Variants in ALG8 observed in about 807,000 individuals in gnomAD.
ALG8 encodes the protein ALG8 alpha-1,3-glucosyltransferase.
Under a neutral mutation model 70.2 loss-of-function variants are expected in ALG8, and 48 were observed. That is an observed-to-expected ratio of 0.68 (90% confidence interval 0.54 to 0.87). ALG8 has a LOEUF of 0.87. Ranked by LOEUF, ALG8 falls within the 40% of genes least tolerant of loss-of-function variation. ALG8 has a pLI of 0.00. For missense variants in ALG8, 572 were observed against 608.7 expected, an observed-to-expected ratio of 0.94 and a Z score of 0.64; for synonymous variants, 234 against 229.0, an observed-to-expected ratio of 1.02 and a Z score of -0.20.
chr11:78,109,191 C>T (rs751118199), intron 9 of ALG8, among the ~76,000 whole-genome samples: 1 of 152,098 alleles, frequency 6.6e-6, no homozygotes, highest in African/African-American at 2.4e-5. Flanking sequence ...TTTCTTTTTC[C>T]CTTCCCCCGG....
intron 6 of ALG8, 135 bp downstream of exon 6, chr11:78,114,131 A>G (rs967698642): frequency 7.1e-7 from 1 of 1,415,142 alleles, no homozygotes. Context: ...AAAAGCGAGA[A>G]TGGGTAAAGG....
intron 7 of ALG8, 117 bp downstream of exon 7, chr11:78,113,769 G>T: frequency 1.2e-6 from 1 of 806,280 alleles, no homozygotes; most frequent in Non-Finnish European, 2.0e-6. Flanking sequence ...GTCACGTTGG[G>T]TAAGGAGTAA....
At chr11:78,103,929 G>A in intron 12 of ALG8, 51 bp downstream of exon 12, 1 of 1,011,518 alleles carries the variant, frequency 9.9e-7, no homozygotes, top group Non-Finnish European at 1.5e-6. Flanking sequence ...GACCACTTAG[G>A]TGTAAACATT....
At chr11:78,131,368 C>T (rs1354298656) in intron 1 of ALG8, among the ~76,000 whole-genome samples, 2 of 152,118 alleles carry the variant, frequency 1.3e-5, no homozygotes. Context: ...TTTGGGAGGC[C>T]ATGGTGGGAG....
chr11:78,106,254 G>A lies in ALG8; in HGVS notation c.1178+553C>T, dbSNP rs146393752. Among the ~76,000 whole-genome samples, 1,184 of 152,178 alleles carry A rather than the reference G, an allele frequency of 7.8e-3. 5 individuals carry two copies. Among genetic ancestry groups the A allele is most frequent in the Non-Finnish European group, 0.011 (768 of 68,010 alleles). ...CTTCGGTCACCCAGAATGGAATGCA[G>A]TGGTGCGATCTCGGCTCACTGCAAC... On this transcript the variant is annotated intron_variant, in intron 10 of 12. Transcript: ENST00000299626.
rs140167667 is a variant in ALG8 at position 78,103,183 on chromosome 11, G to C, written c.1349+797C>G. ...TCTAATAAAAATACAAAATTAGCCG[G>C]GCACAGCAGCTCACGCCTGTACTTC... On this transcript the variant is annotated intron_variant, in intron 12 of 12. Coordinates refer to ENST00000299626, the MANE Select transcript of ALG8 (RefSeq NM_024079.5). Among the ~76,000 whole-genome samples, 818 of 152,062 alleles carry C rather than the reference G, an allele frequency of 5.4e-3. 5 individuals are homozygous for C. The highest frequency in any genetic ancestry group is 8.0e-3 in the Non-Finnish European group (545 of 67,996).
At chr11:78,122,900 G>A (rs1590828328) in intron 3 of ALG8, among the ~76,000 whole-genome samples, 1 of 152,166 alleles carries the variant, frequency 6.6e-6, no homozygotes, top group South Asian at 2.1e-4. Context: ...TACTGAGTGG[G>A]GCAAGGGTTC....
rs545749582 is a variant in ALG8 at position 78,113,357 on chromosome 11, T to A, written c.777+529A>T. On this transcript the variant is annotated intron_variant, in intron 7 of 12. Transcript: ENST00000299626. ...GTGTTTGTGTATGTGTAATGTACAGTTAAACATATACATGTATATATATAT... is the reference window on the plus strand; with the variant it reads ...GTGTTTGTGTATGTGTAATGTACAGATAAACATATACATGTATATATATAT... 4.7e-4 allele frequency among the ~76,000 whole-genome samples: 71 copies of A among 150,396 alleles called. No homozygotes were observed. In the Middle Eastern group the frequency reaches 0.028, roughly 59 times the overall value.
In ALG8 at chr11:78,134,312, A is replaced by T. The variant is rs113636456; in HGVS notation, c.95+5182T>A. Reference sequence around the variant, plus strand: ...ACCACCACACTTGGCTAATTTTTGTATATTTAGTAGAGACGGGGTTTCCCC... The same window carrying T: ...ACCACCACACTTGGCTAATTTTTGTTTATTTAGTAGAGACGGGGTTTCCCC... On this transcript the variant is annotated intron_variant, in intron 1 of 12. Coordinates refer to ENST00000299626, the MANE Select transcript of ALG8 (RefSeq NM_024079.5). 7.0e-3 allele frequency among the ~76,000 whole-genome samples: 1,062 copies of T among 152,142 alleles called. 8 individuals are homozygous for T. Among genetic ancestry groups the T allele is most frequent in the African/African-American group, 0.025 (1,025 of 41,518 alleles).
In ALG8 at chr11:78,104,211, C is replaced by T. The variant is rs996695323; in HGVS notation, c.1276+145G>A. 4 of 962,860 alleles carry T rather than the reference C, an allele frequency of 4.2e-6. No homozygotes were observed. The South Asian group carries it at 5.3e-5, about 13-fold the overall frequency. The allele number at this position is 962,860 out of a possible 1,614,324, so 59.6% of individuals were successfully genotyped here. On this transcript the variant is annotated intron_variant, in intron 11 of 12. Transcript: ENST00000299626. ...TGACATCTAGAGATGCTGAGAATTA[C>T]AGGAAATTGGAGGTTTTATTTAAGA... is the stretch of plus-strand genomic sequence containing the variant.
Position 78,101,342 on chromosome 11 carries a change from T to C in ALG8, c.1350-147A>G, listed in dbSNP as rs578211365. On this transcript the variant is annotated intron_variant, in intron 12 of 12. Coordinates refer to ENST00000299626, the MANE Select transcript of ALG8 (RefSeq NM_024079.5). ...AGTCAAGAGTATATTAAATTTCACA[T>C]TTAGGGCCAAGTGCAGAGGCTCATG... The C allele has an allele frequency of 1.3e-4, 99 of 744,308 alleles. No homozygotes were observed. In the South Asian group the frequency reaches 1.5e-3, roughly 11 times the overall value. The allele number at this position is 744,308 out of a possible 1,614,324, so 46.1% of individuals were successfully genotyped here.
chr11:78,121,588 A>G lies in ALG8; in HGVS notation c.369-414T>C, dbSNP rs150081241. Among the ~76,000 whole-genome samples, 902 of 152,058 alleles carry G rather than the reference A, an allele frequency of 5.9e-3. 6 individuals carry two copies. The highest frequency in any genetic ancestry group is 0.02 in the African/African-American group (814 of 41,496). The stretch of plus-strand genomic sequence containing the variant: ...AAAAAAAAGAAAAAATGGTAGCACA[A>G]ACAAGGACCTCGGGGCCTGTTCCAC... On this transcript the variant is annotated intron_variant, in intron 3 of 12. Coordinates refer to ENST00000299626, the MANE Select transcript of ALG8 (RefSeq NM_024079.5).
At chr11:78,121,665 T>G (rs1860831229) in intron 3 of ALG8, among the ~76,000 whole-genome samples, 1 of 151,930 alleles carries the variant, frequency 6.6e-6, no homozygotes, top group Non-Finnish European at 1.5e-5. Flanking sequence ...TTAACAAAAT[T>G]AAAAATAAAA....
chr11:78,129,229 G>A (rs1861203124), intron 1 of ALG8, among the ~76,000 whole-genome samples: 1 of 151,788 alleles, frequency 6.6e-6, no homozygotes, highest in Admixed American at 6.6e-5. Context: ...GACCATCCTG[G>A]CTAACATGGT....
Position 78,124,044 on chromosome 11 carries a change from T to G in ALG8, c.345A>C (p.Val115=). The G allele has an allele frequency of 6.2e-7, 1 of 1,613,970 alleles. No individual in the cohort carries two copies. The highest frequency in any genetic ancestry group is 8.5e-7 in the Non-Finnish European group (1 of 1,179,994). The change falls in exon 3 of 13, where the codon GTA becomes GTC. Residue 115 remains valine, a synonymous_variant. Coordinates refer to ENST00000299626, the MANE Select transcript of ALG8 (RefSeq NM_024079.5). ...FQRFSVIFMD[V]LFVYAVRECC... The stretch of plus-strand genomic sequence containing the variant: ...ACTCACGGACAGCATACACAAAGAG[T>G]ACATCCATAAAGATGACGGAAAATC...
chr11:78,104,149 G>T, intron 11 of ALG8, 97 bp from the exon 12 acceptor site: 1 of 914,620 alleles, frequency 1.1e-6, no homozygotes. Flanking sequence ...GCTATATAGT[G>T]CTAATAATAC....
intron 3 of ALG8, 172 bp from the exon 4 acceptor site, chr11:78,121,346 T>C: frequency 4.8e-6 from 3 of 627,808 alleles, no homozygotes; most frequent in Non-Finnish European, 8.4e-6. Context: ...GGGGTATCAC[T>C]GTTGCCCAGG....
At chr11:78,122,723 CT>C (rs1860877874) in intron 3 of ALG8, among the ~76,000 whole-genome samples, 1 of 152,162 alleles carries the variant, frequency 6.6e-6, no homozygotes, top group Admixed American at 6.6e-5. Flanking sequence ...CTTGTATACT[CT>C]TCCCCTGGAA....
In ALG8 at chr11:78,127,294, T is replaced by A. The variant is rs1227901211; in HGVS notation, c.174+64A>T. ...ACCCAGCCAGAAAACATTTTTAATA[T>A]CAGTAATATTTACCTAGTTTATAGA... On this transcript the variant is annotated intron_variant, in intron 2 of 12. Coordinates refer to ENST00000299626, the MANE Select transcript of ALG8 (RefSeq NM_024079.5). 2.1e-6 allele frequency: 3 copies of A among 1,412,726 alleles called. No individual in the cohort carries two copies. The African/African-American group carries it at 4.4e-5, about 21-fold the overall frequency. 87.5% of individuals were successfully genotyped at this position (1,412,726 alleles called of 1,614,324 possible). A position where few individuals can be genotyped will look rare whatever the true frequency, so the allele number is the denominator to read the frequency against.
Sources: gnomAD v4.1 joint callset for allele counts (sites outside exome capture counted in the v4.1 genomes callset) on GRCh38, gnomAD v4.1.1 for gene constraint, MANE v1.5 for transcripts, NCBI Gene and HGNC (gene_info 2026-07-23, HGNC 2026-07-21) for gene names.